The following BBS10 variants were observed in gnomAD, a reference collection of about 807,000 sequenced individuals.
BBS10 encodes BBSome complex assembly protein BBS10.
Under a neutral mutation model 12.7 loss-of-function variants are expected in BBS10, and 13 were observed. The observed-to-expected ratio is 1.03, with a 90% CI of 0.67 to 1.63. The LOEUF (loss-of-function observed/expected upper bound fraction) is 1.63. Ranked by LOEUF, BBS10 falls within the 40% of genes most tolerant of loss-of-function variation. The pLI is 0.00. For synonymous variants in BBS10, 294 were observed against 304.8 expected (o/e 0.96, Z 0.37); for missense variants, 858 against 858.0 (o/e 1.00, Z 0.00).
At chr12:76,348,133 C>A in intron 1 of BBS10, 29 bp downstream of exon 1, 1 of 1,588,180 alleles carries the variant, frequency 6.3e-7, no homozygotes, top group Non-Finnish European at 8.6e-7. Flanking sequence ...GGGTGCCCGG[C>A]TACGGGTTAG....
rs369443774 is a variant in BBS10 at position 76,348,266 on chromosome 12, G to A, written c.93C>T (p.Pro31=). 1 of 1,613,216 alleles carries A rather than the reference G, an allele frequency of 6.2e-7. No homozygotes were observed. The highest frequency in any genetic ancestry group is 8.5e-7 in the Non-Finnish European group (1 of 1,179,634). ...TCGTACACAAAACTTGCCGTCCCTC[G>A]GGCCCCACGCAGCAGCTCACGATGG... is the stretch of plus-strand genomic sequence containing the variant. ...LEAIVSCCVG[P]EGRQVLCTKP... Residue 31 remains proline, a synonymous_variant, in exon 1 of 2, where the codon CCC becomes CCT. Transcript: ENST00000650064.
chr12:76,346,867 G>A lies in BBS10; in HGVS notation c.1118C>T (p.Pro373Leu), dbSNP rs1565809805. 6.2e-7 allele frequency: 1 copy of A among 1,613,830 alleles called. No homozygotes were observed. Among genetic ancestry groups the A allele is most frequent in the Non-Finnish European group, 8.5e-7 (1 of 1,179,980 alleles). ...ATATCTTTTGGATCTAAGGATAAGA[G>A]GTTTACAAAATTTCACCAAAGCAGT... ...PNTALVKFCK[P>L]LILRSKRYVH... The change falls in exon 2 of 2, where the codon CCT (proline) becomes CTT (leucine). Residue 373 changes from proline (P) to leucine (L), a missense_variant. Physicochemically the swap from Pro to Leu is moderately conservative, Grantham distance 98 (BLOSUM62 -3). Coordinates refer to ENST00000650064, the MANE Select transcript of BBS10 (RefSeq NM_024685.4).
Position 76,346,579 on chromosome 12 carries a change from T to C in BBS10, c.1406A>G (p.Tyr469Cys). The C allele has an allele frequency of 6.2e-7, 1 of 1,614,162 alleles. No individual in the cohort carries two copies. Among genetic ancestry groups the C allele is most frequent in the Non-Finnish European group, 8.5e-7 (1 of 1,180,002 alleles). The change falls in exon 2 of 2, where the codon TAT becomes TGT. Residue 469 changes from tyrosine (Y) to cysteine (C), a missense_variant. Coordinates refer to ENST00000650064, the MANE Select transcript of BBS10 (RefSeq NM_024685.4). ...DPGNGSIQRPYQDTVAENKDA... is the reference protein window; with the variant it reads ...DPGNGSIQRPCQDTVAENKDA... ...TTTGTTCTCTGCAACTGTGTCCTGA[T>C]AAGGCCTTTGTATTGAGCCATTACC... is the stretch of plus-strand genomic sequence containing the variant.
chr12:76,348,066 G>C lies in BBS10; in HGVS notation c.197+96C>G. ...CATACAGCGGTTTCACCCGAGGTCAGTCTTTCTAAGTACGCATCGCCTCAG... is the reference window on the plus strand; with the variant it reads ...CATACAGCGGTTTCACCCGAGGTCACTCTTTCTAAGTACGCATCGCCTCAG... On this transcript the variant is annotated intron_variant, in intron 1 of 1. Coordinates refer to ENST00000650064, the MANE Select transcript of BBS10 (RefSeq NM_024685.4). 4 of 1,396,830 alleles carry C rather than the reference G, an allele frequency of 2.9e-6. No individual in the cohort carries two copies. In the South Asian group the frequency reaches 5.5e-5, roughly 19 times the overall value. The allele number at this position is 1,396,830 out of a possible 1,614,324, so 86.5% of individuals were successfully genotyped here.
chr12:76,347,360 C>G lies in BBS10; in HGVS notation c.625G>C (p.Gly209Arg). ...TGGTCATCCACTAACTCAAATACAC[C>G]AATCCCACTTTTACAAGTCATACAC... ...FKCMTCKSGI[G>R]VFELVDDHFV... Residue 209 changes from glycine (G) to arginine (R), a missense_variant, in exon 2 of 2, where the codon GGT (glycine) becomes CGT (arginine). Coordinates refer to ENST00000650064, the MANE Select transcript of BBS10 (RefSeq NM_024685.4). 6.2e-7 allele frequency: 1 copy of G among 1,613,978 alleles called. No homozygotes were observed. The highest frequency in any genetic ancestry group is 1.1e-5 in the South Asian group (1 of 91,074).
chr12:76,347,504 T>C lies in BBS10; in HGVS notation c.481A>G (p.Lys161Glu), dbSNP rs146788134. The change falls in exon 2 of 2, where the codon AAA (lysine) becomes GAA (glutamate). Residue 161 changes from lysine (K) to glutamate (E), a missense_variant. Lys to Glu is a moderately conservative substitution (Grantham distance 56, BLOSUM62 1). Transcript: ENST00000650064. Reference sequence around the variant, plus strand: ...GAGCTCCTACACAATGTTCTCTCTTTAGCAGACGAAAAGATAGACAAAAAG... The same window carrying C: ...GAGCTCCTACACAATGTTCTCTCTTCAGCAGACGAAAAGATAGACAAAAAG... Reference protein sequence around the residue: ...RHFLSIFSSAKERTLCRSSLE... With the variant: ...RHFLSIFSSAEERTLCRSSLE... 9.3e-6 allele frequency: 15 copies of C among 1,613,752 alleles called. No individual in the cohort carries two copies. In the African/African-American group the frequency reaches 2.0e-4, roughly 22 times the overall value.
chr12:76,348,155 C>T lies in BBS10; in HGVS notation c.197+7G>A. The T allele has an allele frequency of 6.2e-7, 1 of 1,603,186 alleles. No homozygotes were observed. The highest frequency in any genetic ancestry group is 8.5e-7 in the Non-Finnish European group (1 of 1,172,412). Reference sequence around the variant, plus strand: ...CGGCTACGGGTTAGCGTGTGGGACGCGGGTACCTGGCTATGGGATGCTCTA... The same window carrying T: ...CGGCTACGGGTTAGCGTGTGGGACGTGGGTACCTGGCTATGGGATGCTCTA... On this transcript the variant is annotated splice_region_variant and intron_variant, in intron 1 of 1. Transcript: ENST00000650064.
Position 76,348,232 on chromosome 12 carries a change from C to A in BBS10, c.127G>T (p.Gly43Cys). The A allele has an allele frequency of 6.2e-7, 1 of 1,613,940 alleles. No individual in the cohort carries two copies. Among genetic ancestry groups the A allele is most frequent in the Non-Finnish European group, 8.5e-7 (1 of 1,179,844 alleles). Reference protein sequence around the residue: ...GRQVLCTKPTGEVLLSRNGGR... With the variant: ...GRQVLCTKPTCEVLLSRNGGR... Reference sequence around the variant, plus strand: ...CCATTCCGGCTGAGAAGCACCTCGCCAGTGGGCTTCGTACACAAAACTTGC... The same window carrying A: ...CCATTCCGGCTGAGAAGCACCTCGCAAGTGGGCTTCGTACACAAAACTTGC... The change falls in exon 1 of 2, where the codon GGC (glycine) becomes TGC (cysteine). Residue 43 changes from glycine (G) to cysteine (C), a missense_variant. Gly to Cys is a radical substitution (Grantham distance 159). Coordinates refer to ENST00000650064, the MANE Select transcript of BBS10 (RefSeq NM_024685.4).
At position 76,347,324 on chromosome 12, in the gene BBS10, A is replaced by G. The variant is rs768544411; in HGVS notation, c.661T>C (p.Leu221=). The G allele has an allele frequency of 6.2e-6, 10 of 1,613,776 alleles. No homozygotes were observed. Among genetic ancestry groups the G allele is most frequent in the Non-Finnish European group, 8.5e-6 (10 of 1,179,978 alleles). Residue 221 remains leucine, a synonymous_variant, in exon 2 of 2, where the codon TTG becomes CTG. Coordinates refer to ENST00000650064, the MANE Select transcript of BBS10 (RefSeq NM_024685.4). ...GGAAGGCCAGTGACACCAACATTCA[A>G]CTCTACAAAATGGTCATCCACTAAC... The part of the protein sequence containing the change: ...FELVDDHFVE[L]NVGVTGLPVS...
At position 76,348,198 on chromosome 12, in the gene BBS10, A is replaced by C; in HGVS notation, c.161T>G (p.Leu54Arg). The C allele has an allele frequency of 1.2e-6, 2 of 1,613,316 alleles. No homozygotes were observed. The highest frequency in any genetic ancestry group is 1.7e-6 in the Non-Finnish European group (2 of 1,179,400). The change falls in exon 1 of 2, where the codon CTC (leucine) becomes CGC (arginine). Residue 54 changes from leucine to arginine, a missense_variant. By Grantham distance (102) the Leu-to-Arg change is moderately radical. Coordinates refer to ENST00000650064, the MANE Select transcript of BBS10 (RefSeq NM_024685.4). Reference sequence around the variant, plus strand: ...ATGCTCTAAGTGTAGCGCCTCCAGGAGGCGGCCTCCATTCCGGCTGAGAAG... The same window carrying C: ...ATGCTCTAAGTGTAGCGCCTCCAGGCGGCGGCCTCCATTCCGGCTGAGAAG... ...EVLLSRNGGR[L>R]LEALHLEHPI...
intron 1 of BBS10, 75 bp from the exon 2 acceptor site, chr12:76,347,862 C>T: frequency 1.4e-6 from 2 of 1,443,846 alleles, no homozygotes; most frequent in South Asian, 1.2e-5. Flanking sequence ...GTTTACACAG[C>T]CATAAGCATA....
chr12:76,347,471 A>T lies in BBS10; in HGVS notation c.514T>A (p.Leu172Met). 6.2e-7 allele frequency: 1 copy of T among 1,613,714 alleles called. No homozygotes were observed. Among genetic ancestry groups the T allele is most frequent in the Non-Finnish European group, 8.5e-7 (1 of 1,179,944 alleles). ...ERTLCRSSLE[L>M]LLEAYFCGRV... ...CCACAAAAGTATGCTTCTAAGAGCA[A>T]CTCTAAAGAGCTCCTACACAATGTT... is the stretch of plus-strand genomic sequence containing the variant. Residue 172 changes from leucine to methionine, a missense_variant, in exon 2 of 2, where the codon TTG becomes ATG. Physicochemically the swap from Leu to Met is conservative, Grantham distance 15. Coordinates refer to ENST00000650064, the MANE Select transcript of BBS10 (RefSeq NM_024685.4).
intron 1 of BBS10, 32 bp downstream of exon 1, chr12:76,348,130 C>T: frequency 6.3e-7 from 1 of 1,582,752 alleles, no homozygotes; most frequent in Non-Finnish European, 8.6e-7. Context: ...CTGGGGTGCC[C>T]GGCTACGGGT....
rs367914794 is a variant in BBS10 at position 76,347,534 on chromosome 12, T to C, written c.451A>G (p.Arg151Gly). The change falls in exon 2 of 2, where the codon AGA (arginine) becomes GGA (glycine). Residue 151 changes from arginine (R) to glycine (G), a missense_variant. Arg to Gly is a moderately radical substitution (Grantham distance 125, BLOSUM62 -2). Transcript: ENST00000650064. ...LDGIMDQYLSRHFLSIFSSAK... is the reference protein window; with the variant it reads ...LDGIMDQYLSGHFLSIFSSAK... The stretch of plus-strand genomic sequence containing the variant: ...GACGAAAAGATAGACAAAAAGTGTC[T>C]ACTTAGGTACTGGTCCATAATACCG... The C allele has an allele frequency of 6.2e-7, 1 of 1,613,850 alleles. No homozygotes were observed. Among genetic ancestry groups the C allele is most frequent in the Admixed American group, 1.7e-5 (1 of 60,026 alleles).
Position 76,346,477 on chromosome 12 carries a change from T to C in BBS10, c.1508A>G (p.Tyr503Cys). 2 of 1,614,134 alleles carry C rather than the reference T, an allele frequency of 1.2e-6. No homozygotes were observed. The highest frequency in any genetic ancestry group is 1.3e-5 in the African/African-American group (1 of 75,062). Reference sequence around the variant, plus strand: ...CAGTGTGGGGGTTGAATACGGAATATATGTTTCTAATTCTACATCTGGAAT... The same window carrying C: ...CAGTGTGGGGGTTGAATACGGAATACATGTTTCTAATTCTACATCTGGAAT... ...LVIPDVELET[Y>C]IPYSTPTLTP... is the part of the protein sequence containing the mutation. The change falls in exon 2 of 2, where the codon TAT becomes TGT. Residue 503 changes from tyrosine to cysteine, a missense_variant. Transcript: ENST00000650064.
Position 76,346,846 on chromosome 12 carries a change from C to T in BBS10, c.1139G>A (p.Arg380Lys). ...FCKPLILRSK[R>K]YVHLGLISTC... is the part of the protein sequence containing the mutation. ...GCTTATCAAGCCTAGATGAACATAT[C>T]TTTTGGATCTAAGGATAAGAGGTTT... The change falls in exon 2 of 2, where the codon AGA becomes AAA. Residue 380 changes from arginine (R) to lysine (K), a missense_variant. By Grantham distance (26) the Arg-to-Lys change is conservative. Coordinates refer to ENST00000650064, the MANE Select transcript of BBS10 (RefSeq NM_024685.4). 6.2e-7 allele frequency: 1 copy of T among 1,614,002 alleles called. No individual in the cohort carries two copies. The highest frequency in any genetic ancestry group is 1.1e-5 in the South Asian group (1 of 91,078).
At position 76,346,086 on chromosome 12, in the gene BBS10, T is replaced by C; in HGVS notation, c.1899A>G (p.Ile633Met). Residue 633 changes from isoleucine (I) to methionine (M), a missense_variant, in exon 2 of 2, where the codon ATA becomes ATG. Transcript: ENST00000650064. ...QSEETMVSMI[I>M]ANALLGIPKV... ...TGGGAATGCCTAAAAGTGCATTAGCTATTATCATACTAACCATGGTTTCTT... is the reference window on the plus strand; with the variant it reads ...TGGGAATGCCTAAAAGTGCATTAGCCATTATCATACTAACCATGGTTTCTT... 1 of 1,613,116 alleles carries C rather than the reference T, an allele frequency of 6.2e-7. No homozygotes were observed. The highest frequency in any genetic ancestry group is 8.5e-7 in the Non-Finnish European group (1 of 1,179,794).
Position 76,346,550 on chromosome 12 carries a change from C to T in BBS10, c.1435G>A (p.Ala479Thr). The change falls in exon 2 of 2, where the codon GCA becomes ACA. Residue 479 changes from alanine (A) to threonine (T), a missense_variant. Ala to Thr is a moderately conservative substitution (Grantham distance 58). Coordinates refer to ENST00000650064, the MANE Select transcript of BBS10 (RefSeq NM_024685.4). Reference sequence around the variant, plus strand: ...AAATATGTTTGAGTTTTTTCCAATGCATCTTTGTTCTCTGCAACTGTGTCC... The same window carrying T: ...AAATATGTTTGAGTTTTTTCCAATGTATCTTTGTTCTCTGCAACTGTGTCC... ...YQDTVAENKDALEKTQTYLKV... is the reference protein window; with the variant it reads ...YQDTVAENKDTLEKTQTYLKV... 1 of 1,614,086 alleles carries T rather than the reference C, an allele frequency of 6.2e-7. No individual in the cohort carries two copies. Among genetic ancestry groups the T allele is most frequent in the Non-Finnish European group, 8.5e-7 (1 of 1,179,982 alleles).
In BBS10 at chr12:76,347,138, A is replaced by G; in HGVS notation, c.847T>C (p.Phe283Leu). 6.2e-7 allele frequency: 1 copy of G among 1,611,954 alleles called. No homozygotes were observed. The highest frequency in any genetic ancestry group is 8.5e-7 in the Non-Finnish European group (1 of 1,179,952). Reference protein sequence around the residue: ...SEFILNSEAQFQTSQFWIMEK... With the variant: ...SEFILNSEAQLQTSQFWIMEK... ...ATAATCCAAAATTGAGATGTCTGAA[A>G]CTGTGCTTCTGAATTTAGAATAAAC... Residue 283 changes from phenylalanine (F) to leucine (L), a missense_variant, in exon 2 of 2, where the codon TTT (phenylalanine) becomes CTT (leucine). Physicochemically the swap from Phe to Leu is conservative, Grantham distance 22. Transcript: ENST00000650064.
Sources: gnomAD v4.1 joint callset for allele counts on GRCh38, gnomAD v4.1.1 for gene constraint, MANE v1.5 for transcripts, NCBI Gene and HGNC (gene_info 2026-07-23, HGNC 2026-07-21) for gene names.